FER1L6: variants seen among roughly 807,000 people sequenced by gnomAD.
The protein encoded by FER1L6 is fer-1-like protein 6.
Under a neutral mutation model 219.2 loss-of-function variants are expected in FER1L6, and 177 were observed. That is an observed-to-expected ratio of 0.81 (90% CI 0.71 to 0.91). The LOEUF (loss-of-function observed/expected upper bound fraction) is 0.91, where lower values mean the gene tolerates loss of function less well. FER1L6 is among the 40% of genes least tolerant of loss of function. The pLI is 0.00. For synonymous variants in FER1L6, 768 were observed against 824.3 expected, an observed-to-expected ratio of 0.93 and a Z score of 1.17; for missense variants, 2,153 against 2,259.9, an observed-to-expected ratio of 0.95 and a Z score of 0.96.
intron 22 of FER1L6, among the ~76,000 whole-genome samples, chr8:124,056,725 G>A (rs1673553104): frequency 6.6e-6 from 1 of 152,166 alleles, no homozygotes; most frequent in South Asian, 2.1e-4. Flanking sequence ...TTCAGGGAGG[G>A]AAAGCAGGCT....
At chr8:124,012,564 C>T (rs986763816) in intron 14 of FER1L6, among the ~76,000 whole-genome samples, 1 of 152,136 alleles carries the variant, frequency 6.6e-6, no homozygotes, top group Non-Finnish European at 1.5e-5. Context: ...TATCCATACC[C>T]CCTATAGTGT....
chr8:124,045,622 T>C, intron 20 of FER1L6, 145 bp from the exon 21 acceptor site: 1 of 892,100 alleles, frequency 1.1e-6, no homozygotes, highest in East Asian at 2.5e-5. Flanking sequence ...CTGCTCAGTT[T>C]ACATAGTCAC....
chr8:123,920,536 C>T (rs749309381), intron 1 of FER1L6, among the ~76,000 whole-genome samples: 10 of 152,212 alleles, frequency 6.6e-5, no homozygotes, highest in Non-Finnish European at 7.4e-5. Context: ...AGCCAGAGCT[C>T]GGCCAGGAGG....
intron 12 of FER1L6, among the ~76,000 whole-genome samples, chr8:123,999,500 C>T (rs1268846376): frequency 1.3e-5 from 2 of 152,048 alleles, no homozygotes; most frequent in Admixed American, 1.3e-4. Flanking sequence ...ACAAAATTAG[C>T]CAGGTGTCAG....
At chr8:123,936,187 G>A (rs935042899) in intron 1 of FER1L6, among the ~76,000 whole-genome samples, 1 of 152,034 alleles carries the variant, frequency 6.6e-6, no homozygotes, top group Non-Finnish European at 1.5e-5. Context: ...CTAAGTGAAC[G>A]GTCCATACGC....
chr8:124,119,239 A>C (rs892176886), intron 40 of FER1L6, among the ~76,000 whole-genome samples: 1 of 152,212 alleles, frequency 6.6e-6, no homozygotes, highest in Non-Finnish European at 1.5e-5. Context: ...GGGGTGAGTC[A>C]AGCGATGAAT....
chr8:124,017,811 A>C, intron 16 of FER1L6, 93 bp downstream of exon 16: 1 of 960,524 alleles, frequency 1.0e-6, no homozygotes. Flanking sequence ...GTTGAGGTTT[A>C]AAGGTCATAC....
In FER1L6 at chr8:124,003,088, A is replaced by G. The variant is rs981262927; in HGVS notation, c.1520-79A>G. 10 of 1,210,970 alleles carry G rather than the reference A, an allele frequency of 8.3e-6. No individual in the cohort carries two copies. The African/African-American group carries it at 1.5e-4, about 18-fold the overall frequency. The allele number at this position is 1,210,970 out of a possible 1,614,324, so 75.0% of individuals were successfully genotyped here. A position where few individuals can be genotyped will look rare whatever the true frequency, so the allele number is the denominator to read the frequency against. On this transcript the variant is annotated intron_variant, in intron 12 of 40. Coordinates refer to ENST00000522917, the MANE Select transcript of FER1L6 (RefSeq NM_001039112.2). ...TACCTTATTGCTGTGGGAGAACATG[A>G]GTTTGGATCCTTTATGCCAAGCAGA...
intron 19 of FER1L6, chr8:124,036,317 C>T (rs1297747383): frequency 3.3e-5 from 5 of 152,170 alleles, no homozygotes; most frequent in Non-Finnish European, 5.9e-5. Flanking sequence ...TCTGGAAATA[C>T]ATATCCAATG....
In FER1L6 at chr8:123,928,904, A is replaced by G. The variant is rs531462298; in HGVS notation, c.-7-27088A>G. On this transcript the variant is annotated intron_variant, in intron 1 of 40. Transcript: ENST00000522917. ...GCTGTTGAGAATAGCCTTCTAGAGA[A>G]AGTGAGGCACACCCAGGCAAGGTGT... Among the ~76,000 whole-genome samples, 58 of 152,300 alleles carry G rather than the reference A, an allele frequency of 3.8e-4. No individual in the cohort carries two copies. In the South Asian group the frequency reaches 0.011, roughly 29 times the overall value.
At chr8:124,001,862 G>A (rs940571761) in intron 12 of FER1L6, among the ~76,000 whole-genome samples, 7 of 152,348 alleles carry the variant, frequency 4.6e-5, no homozygotes, top group Middle Eastern at 3.4e-3. Flanking sequence ...CAAGATGGTA[G>A]AGGAATGATG....
chr8:123,946,959 T>C (rs538778573), intron 1 of FER1L6, among the ~76,000 whole-genome samples: 18 of 152,266 alleles, frequency 1.2e-4, no homozygotes, highest in Admixed American at 2.6e-4. Flanking sequence ...GTACTTTTTT[T>C]TGAATGACTA....
At chr8:123,905,547 CAGA>C (rs1406907254) in intron 1 of FER1L6, among the ~76,000 whole-genome samples, 1 of 152,128 alleles carries the variant, frequency 6.6e-6, no homozygotes, top group Non-Finnish European at 1.5e-5. Context: ...CTTTTTGTAG[CAGA>C]AGAATACAGG....
intron 1 of FER1L6, among the ~76,000 whole-genome samples, chr8:123,894,574 T>C (rs1172483284): frequency 6.6e-6 from 1 of 152,226 alleles, no homozygotes; most frequent in Admixed American, 6.5e-5. Flanking sequence ...GTACATGTTC[T>C]CTAGCATTGT....
At chr8:124,007,926 A>C (rs1262418155) in intron 13 of FER1L6, among the ~76,000 whole-genome samples, 2 of 152,136 alleles carry the variant, frequency 1.3e-5, no homozygotes, top group African/African-American at 4.8e-5. Flanking sequence ...ATGCACTTAC[A>C]TCTGTTATCT....
intron 10 of FER1L6, 27 bp from the exon 11 acceptor site, chr8:123,980,438 G>T: frequency 6.5e-7 from 1 of 1,537,194 alleles, no homozygotes; most frequent in East Asian, 2.3e-5. Flanking sequence ...AACATAATGA[G>T]ATAACTAAAA....
At chr8:123,940,118 T>G (rs1476186628) in intron 1 of FER1L6, among the ~76,000 whole-genome samples, 1 of 152,168 alleles carries the variant, frequency 6.6e-6, no homozygotes, top group Non-Finnish European at 1.5e-5. Flanking sequence ...GTTTGTTAAA[T>G]TACGATAACA....
intron 6 of FER1L6, among the ~76,000 whole-genome samples, chr8:123,972,626 G>C (rs1394469662): frequency 2.0e-5 from 3 of 152,164 alleles, no homozygotes; most frequent in African/African-American, 7.2e-5. Context: ...TATAAACATT[G>C]TTCTTATATT....
chr8:123,864,810 A>G lies in FER1L6; in HGVS notation c.-8+12625A>G, dbSNP rs878860475. Among the ~76,000 whole-genome samples, 73 of 150,482 alleles carry G rather than the reference A, an allele frequency of 4.9e-4. 1 individual carries two copies. The highest frequency in any genetic ancestry group is 1.6e-3 in the African/African-American group (64 of 39,948). On this transcript the variant is annotated intron_variant, in intron 1 of 40. Transcript: ENST00000522917. ...CTTCTGCATTCTTCACGTAGTTCTC[A>G]AGCCTTGGTTTTCAGCTCCATCATC...
Sources: gnomAD v4.1 joint callset for allele counts (sites outside exome capture counted in the v4.1 genomes callset) on GRCh38, gnomAD v4.1.1 for gene constraint, MANE v1.5 for transcripts, NCBI Gene and HGNC (gene_info 2026-07-23, HGNC 2026-07-21) for gene names.